The following FHIP1A variants were observed in gnomAD, a reference collection of about 807,000 sequenced individuals.
FHIP1A encodes FHF complex subunit HOOK-interacting protein 1A.
FHIP1A carries 61 observed loss-of-function variants against 88.6 expected under a neutral mutation model. That is an observed-to-expected ratio of 0.69 (90% confidence interval 0.56 to 0.85). FHIP1A has a LOEUF of 0.85. Among genes scored for constraint, FHIP1A ranks in the 40% least tolerant of loss-of-function variants. The probability of loss-of-function intolerance (pLI) is 0.00; values close to 1 mark genes in which losing one functional copy is unlikely to be tolerated. For missense variants in FHIP1A, 1,154 were observed against 1,273.5 expected, an observed-to-expected ratio of 0.91 and a Z score of 1.43; for synonymous variants, 478 against 496.0, an observed-to-expected ratio of 0.96 and a Z score of 0.48.
At chr4:151,562,931 A>G (rs1198771446) in intron 3 of FHIP1A, among the ~76,000 whole-genome samples, 7 of 152,144 alleles carry the variant, frequency 4.6e-5, no homozygotes, top group Non-Finnish European at 8.8e-5. Flanking sequence ...TTATGATTAT[A>G]TGATATATTT....
chr4:151,629,964 T>C, intron 8 of FHIP1A, 95 bp downstream of exon 8: 7 of 1,053,980 alleles, frequency 6.6e-6, no homozygotes, highest in Non-Finnish European at 9.5e-6. Context: ...TCTCTTTTGC[T>C]CTCCTTTTTT....
At chr4:151,534,373 C>T (rs1731989691) in intron 3 of FHIP1A, among the ~76,000 whole-genome samples, 1 of 152,160 alleles carries the variant, frequency 6.6e-6, no homozygotes, top group Admixed American at 6.5e-5. Context: ...TCTATTGTGT[C>T]ACCTTTCCCC....
At chr4:151,596,062 T>G (rs1050417547) in intron 7 of FHIP1A, among the ~76,000 whole-genome samples, 4 of 152,246 alleles carry the variant, frequency 2.6e-5, no homozygotes, top group Non-Finnish European at 4.4e-5. Context: ...TTTGATCCTG[T>G]CATTATGATG....
chr4:151,650,976 C>G (rs1560822542), intron 11 of FHIP1A, among the ~76,000 whole-genome samples: 1 of 152,198 alleles, frequency 6.6e-6, no homozygotes, highest in East Asian at 1.9e-4. Flanking sequence ...GACTGTCTCC[C>G]CCAGTAGAAT....
chr4:151,479,397 A>G (rs955099853), intron 2 of FHIP1A, among the ~76,000 whole-genome samples: 2 of 152,124 alleles, frequency 1.3e-5, no homozygotes, highest in African/African-American at 4.8e-5. Flanking sequence ...TAATGGAATC[A>G]GTGAAGTTTG....
At position 151,662,779 on chromosome 4, in the gene FHIP1A, G is replaced by A; in HGVS notation, c.*25G>A. On this transcript the variant is annotated 3_prime_UTR_variant, in exon 14 of 14. Transcript: ENST00000435205. The stretch of plus-strand genomic sequence containing the variant: ...GCTTTTTTTTTTTTTTTTAATAGAG[G>A]TTCTTGTTTTGTAAGGTTTTAGTGT... The A allele has an allele frequency of 1.4e-6, 2 of 1,439,902 alleles. No individual in the cohort carries two copies. Among genetic ancestry groups the A allele is most frequent in the Non-Finnish European group, 1.8e-6 (2 of 1,090,980 alleles). The allele number at this position is 1,439,902 out of a possible 1,614,324, so 89.2% of individuals were successfully genotyped here.
At chr4:151,572,451 T>G (rs1733633271) in intron 4 of FHIP1A, among the ~76,000 whole-genome samples, 1 of 152,214 alleles carries the variant, frequency 6.6e-6, no homozygotes, top group African/African-American at 2.4e-5. Flanking sequence ...TGAATACGTA[T>G]TATAAAGCTG....
At chr4:151,602,026 A>T (rs563738208) in intron 7 of FHIP1A, among the ~76,000 whole-genome samples, 2 of 152,196 alleles carry the variant, frequency 1.3e-5, no homozygotes, top group East Asian at 3.9e-4. Flanking sequence ...CATGAGACTT[A>T]TTCAATGTCA....
chr4:151,657,414 A>C (rs1347017190), intron 13 of FHIP1A, among the ~76,000 whole-genome samples: 3 of 152,120 alleles, frequency 2.0e-5, no homozygotes, highest in Non-Finnish European at 4.4e-5. Flanking sequence ...CTCAGCCTAA[A>C]ATCTCTGAGA....
chr4:151,541,295 A>G (rs922636987), intron 3 of FHIP1A, among the ~76,000 whole-genome samples: 1 of 152,238 alleles, frequency 6.6e-6, no homozygotes, highest in Non-Finnish European at 1.5e-5. Flanking sequence ...ATTATCAGTT[A>G]GGTTAATAAA....
chr4:151,423,886 T>G (rs1339911528), intron 1 of FHIP1A, among the ~76,000 whole-genome samples: 1 of 152,186 alleles, frequency 6.6e-6, no homozygotes, highest in Non-Finnish European at 1.5e-5. Flanking sequence ...GTCACTGTGG[T>G]CAAACTCTTC....
At chr4:151,655,568 C>T (rs1156560804) in intron 11 of FHIP1A, among the ~76,000 whole-genome samples, 1 of 152,124 alleles carries the variant, frequency 6.6e-6, no homozygotes, top group South Asian at 2.1e-4. Flanking sequence ...TCTGAAAATT[C>T]ACGTGTGGTT....
At chr4:151,591,923 A>G (rs556190966) in intron 7 of FHIP1A, among the ~76,000 whole-genome samples, 7 of 152,292 alleles carry the variant, frequency 4.6e-5, no homozygotes, top group African/African-American at 1.4e-4. Context: ...GCTGTAATAT[A>G]TATACGTATG....
In FHIP1A at chr4:151,566,372, A is replaced by G. The variant is rs1333423472; in HGVS notation, c.105+8A>G. ...AAAAACCACTGGGCACAGGTAATGT[A>G]TGAATTCCACTTTTTTTGCTGGTCT... On this transcript the variant is annotated splice_region_variant and intron_variant, in intron 4 of 13. Coordinates refer to ENST00000435205, the MANE Select transcript of FHIP1A (RefSeq NM_001109977.3). 2.0e-6 allele frequency: 3 copies of G among 1,522,048 alleles called. No individual in the cohort carries two copies. Among genetic ancestry groups the G allele is most frequent in the South Asian group, 2.4e-5 (2 of 83,390 alleles). 94.3% of individuals were successfully genotyped at this position (1,522,048 alleles called of 1,614,324 possible). A position where few individuals can be genotyped will look rare whatever the true frequency, so the allele number is the denominator to read the frequency against.
At chr4:151,443,504 A>C (rs1728482839) in intron 1 of FHIP1A, among the ~76,000 whole-genome samples, 1 of 152,040 alleles carries the variant, frequency 6.6e-6, no homozygotes, top group Non-Finnish European at 1.5e-5. Context: ...TTTCAGGGTC[A>C]GTTTTCCCCT....
At chr4:151,638,315 TTGTGTGTGTGTGTG>T (rs146664249) in intron 8 of FHIP1A, among the ~76,000 whole-genome samples, 4 of 143,732 alleles carry the variant, frequency 2.8e-5, no homozygotes, top group Non-Finnish European at 6.1e-5. Context: ...AAATAGGAGA[TTGTGTGTGTGTGTG>T]TGTGTGTGTG....
intron 3 of FHIP1A, among the ~76,000 whole-genome samples, chr4:151,556,033 T>A (rs2126754275): frequency 6.6e-6 from 1 of 152,260 alleles, no homozygotes; most frequent in East Asian, 1.9e-4. Context: ...AATAATTTTA[T>A]TCTCTCAGTA....
intron 7 of FHIP1A, 119 bp downstream of exon 7, chr4:151,589,045 G>T (rs1014872047): frequency 6.8e-6 from 5 of 731,714 alleles, no homozygotes; most frequent in Non-Finnish European, 1.2e-5. Context: ...TTTTCATTCC[G>T]TCTATATTTC....
intron 7 of FHIP1A, among the ~76,000 whole-genome samples, chr4:151,606,673 T>G (rs1735085924): frequency 6.6e-6 from 1 of 152,194 alleles, no homozygotes; most frequent in Admixed American, 6.5e-5. Context: ...GACCCATGGT[T>G]TTTAATCACT....
Sources: gnomAD v4.1 joint callset for allele counts (sites outside exome capture counted in the v4.1 genomes callset) on GRCh38, gnomAD v4.1.1 for gene constraint, MANE v1.5 for transcripts, NCBI Gene and HGNC (gene_info 2026-07-23, HGNC 2026-07-21) for gene names.